Variants in ZNF385D observed in about 807,000 individuals in gnomAD.
The protein encoded by ZNF385D is zinc finger protein 385D, also known as zinc finger protein 659.
A neutral mutation model predicts 35.8 loss-of-function variants in ZNF385D; 15 were observed. The observed-to-expected ratio is 0.42, with a 90% CI of 0.28 to 0.64. The LOEUF (loss-of-function observed/expected upper bound fraction) is 0.64, where lower values mean the gene tolerates loss of function less well. Among genes scored for constraint, ZNF385D ranks in the 30% least tolerant of loss-of-function variants. The probability of loss-of-function intolerance (pLI) is 0.23; values close to 1 mark genes in which losing one functional copy is unlikely to be tolerated. For missense variants in ZNF385D, 474 were observed against 494.6 expected (o/e 0.96, Z 0.39); for synonymous variants, 212 against 186.8 (o/e 1.13, Z -1.10).
chr3:21,816,826 A>G (rs895893129), intron 3 of ZNF385D, among the ~76,000 whole-genome samples: 7 of 152,212 alleles, frequency 4.6e-5, no homozygotes, highest in Non-Finnish European at 1.5e-5. Context: ...CAGAATTGGA[A>G]AAAACTGCTT....
At chr3:22,199,772 C>G (rs1175480293) in intron 2 of ZNF385D, among the ~76,000 whole-genome samples, 1 of 151,966 alleles carries the variant, frequency 6.6e-6, no homozygotes, top group South Asian at 2.1e-4. Flanking sequence ...AGGCCAAAAA[C>G]TGAAGAGAAT....
intron 2 of ZNF385D, among the ~76,000 whole-genome samples, chr3:21,597,218 G>A (rs2064151429): frequency 6.6e-6 from 1 of 151,830 alleles, no homozygotes; most frequent in Non-Finnish European, 1.5e-5. Context: ...TTTCTTCCTT[G>A]GTGGGGACAC....
At position 21,417,193 on chromosome 3, in the gene ZNF385D, A is replaced by G. The variant is rs1430839579; in HGVS notation, c.*4021T>C. The G allele has an allele frequency of 6.6e-6, 1 of 152,116 alleles. No homozygotes were observed. Among genetic ancestry groups the G allele is most frequent in the Non-Finnish European group, 1.5e-5 (1 of 67,992 alleles). The allele number at this position is 152,116 out of a possible 1,614,324, so 9.4% of individuals were successfully genotyped here. On this transcript the variant is annotated 3_prime_UTR_variant, in exon 8 of 8. Transcript: ENST00000281523. ...GCTGCATTGGTCACTCGAATAAAGA[A>G]TTTTTATTCCTGAGAGGATAAAAGC...
At chr3:22,096,648 C>A (rs1354422186) in intron 3 of ZNF385D, among the ~76,000 whole-genome samples, 1 of 152,094 alleles carries the variant, frequency 6.6e-6, no homozygotes, top group Non-Finnish European at 1.5e-5. Flanking sequence ...GCAATAAAAT[C>A]AAAAAGACAC....
chr3:22,094,895 T>C (rs1701530981), intron 3 of ZNF385D, among the ~76,000 whole-genome samples: 1 of 152,054 alleles, frequency 6.6e-6, no homozygotes, highest in Admixed American at 6.6e-5. Context: ...TTCCTTTCTA[T>C]GTTCCTGGAA....
intron 3 of ZNF385D, among the ~76,000 whole-genome samples, chr3:21,914,271 T>C (rs1020083723): frequency 2.6e-5 from 4 of 152,096 alleles, no homozygotes; most frequent in African/African-American, 9.7e-5. Context: ...TTAACACTTA[T>C]ATTTTTTAGC....
intron 2 of ZNF385D, among the ~76,000 whole-genome samples, chr3:22,325,230 T>A (rs1694623464): frequency 6.6e-6 from 1 of 152,172 alleles, no homozygotes; most frequent in South Asian, 2.1e-4. Context: ...TTTTAGAGTT[T>A]GGAATTAAGA....
At chr3:21,725,233 A>C (rs779178059) in intron 1 of ZNF385D, among the ~76,000 whole-genome samples, 31 of 152,316 alleles carry the variant, frequency 2.0e-4, no homozygotes, top group Middle Eastern at 3.4e-3. Context: ...AAAAGCAGGA[A>C]AGATCCAAAA....
At chr3:22,068,850 G>A (rs185335831) in intron 3 of ZNF385D, among the ~76,000 whole-genome samples, 87 of 152,238 alleles carry the variant, frequency 5.7e-4, no homozygotes, top group African/African-American at 1.5e-3. Flanking sequence ...CATGGGGCCC[G>A]CCCAAATAAC....
chr3:22,150,593 C>T (rs9816170), intron 3 of ZNF385D, among the ~76,000 whole-genome samples: 75,374 of 151,882 alleles, frequency 0.5, 18,773 homozygotes, highest in Admixed American at 0.54. Context: ...ATAAATATTT[C>T]TAATCTCTTC....
intron 2 of ZNF385D, among the ~76,000 whole-genome samples, chr3:22,330,305 A>T (rs745511769): frequency 3.3e-5 from 5 of 152,174 alleles, no homozygotes; most frequent in Non-Finnish European, 5.9e-5. Flanking sequence ...TATAAAATCA[A>T]CTTTATCCAG....
intron 2 of ZNF385D, among the ~76,000 whole-genome samples, chr3:21,636,582 GGT>G (rs1279639207): frequency 6.6e-6 from 1 of 151,354 alleles, no homozygotes; most frequent in Non-Finnish European, 1.5e-5. Flanking sequence ...TAGCCTGGGA[GGT>G]TAAGCCAGTT....
intron 2 of ZNF385D, among the ~76,000 whole-genome samples, chr3:22,273,578 T>C (rs968844189): frequency 3.9e-5 from 6 of 151,944 alleles, no homozygotes; most frequent in Non-Finnish European, 8.8e-5. Flanking sequence ...TGAGAACTCC[T>C]GTCCTAGAGG....
intron 1 of ZNF385D, among the ~76,000 whole-genome samples, chr3:21,683,981 C>G (rs1194540068): frequency 1.3e-5 from 2 of 150,176 alleles, no homozygotes; most frequent in South Asian, 2.1e-4. Context: ...CTGTGCTGGA[C>G]TTCTGACCTA....
chr3:22,021,805 G>T (rs1402890608), intron 3 of ZNF385D, among the ~76,000 whole-genome samples: 3 of 152,064 alleles, frequency 2.0e-5, no homozygotes, highest in Non-Finnish European at 2.9e-5. Context: ...GTTTTGGGGA[G>T]CTTCAGGAAT....
chr3:22,293,933 C>T (rs1289563726), intron 2 of ZNF385D, among the ~76,000 whole-genome samples: 1 of 152,100 alleles, frequency 6.6e-6, no homozygotes, highest in African/African-American at 2.4e-5. Flanking sequence ...CTACTTCCTA[C>T]ATACTTGTTC....
chr3:21,507,434 G>C (rs1488511634), intron 4 of ZNF385D, among the ~76,000 whole-genome samples: 1 of 152,046 alleles, frequency 6.6e-6, no homozygotes, highest in Non-Finnish European at 1.5e-5. Flanking sequence ...GTGATTTCAT[G>C]TGTCTCTATC....
At chr3:22,257,467 G>T (rs1171884147) in intron 2 of ZNF385D, among the ~76,000 whole-genome samples, 1 of 151,518 alleles carries the variant, frequency 6.6e-6, no homozygotes, top group Non-Finnish European at 1.5e-5. Flanking sequence ...CTCCTTTCTA[G>T]TAATTTCTCT....
intron 2 of ZNF385D, among the ~76,000 whole-genome samples, chr3:21,572,686 T>A (rs888807394): frequency 1.3e-5 from 2 of 152,206 alleles, no homozygotes; most frequent in African/African-American, 2.4e-5. Flanking sequence ...GTTATAGGAA[T>A]GTCAGCTCTG....
Sources: gnomAD v4.1 joint callset for allele counts (sites outside exome capture counted in the v4.1 genomes callset) on GRCh38, gnomAD v4.1.1 for gene constraint, MANE v1.5 for transcripts, NCBI Gene and HGNC (gene_info 2026-07-23, HGNC 2026-07-21) for gene names.